The following C3orf49 variants were observed in gnomAD, a reference collection of about 807,000 sequenced individuals.
C3orf49 encodes the protein putative uncharacterized protein C3orf49.
Under a neutral mutation model 13.3 loss-of-function variants are expected in C3orf49, and 27 were observed. That is an observed-to-expected ratio of 2.02 (90% confidence interval 1.49 to 2.79). The LOEUF is 2.79. Ranked by LOEUF, C3orf49 falls within the 30% of genes most tolerant of loss-of-function variation. The pLI is 0.00. For synonymous variants in C3orf49, 87 were observed against 47.6 expected (o/e 1.83, Z -3.40); for missense variants, 242 against 134.2 (o/e 1.80, Z -3.97).
At chr3:63,807,416 CCAAGTGGTTTTATGTTATA>C in the C3orf49 span, among the ~76,000 whole-genome samples, 1 of 152,066 alleles carries the variant, frequency 6.6e-6, no homozygotes, top group Non-Finnish European at 1.5e-5. Context: ...CACAGAAACA[CCAAGTGGTTTTATGTTATA>C]CAGCTAATCA....
the C3orf49 span, among the ~76,000 whole-genome samples, chr3:63,810,534 C>T: frequency 9.2e-5 from 14 of 152,262 alleles, no homozygotes; most frequent in African/African-American, 2.6e-4. Context: ...CTTATTATTT[C>T]GTGACACGGA....
At chr3:63,823,645 C>T in intron 2 of C3orf49, 76 bp downstream of exon 2, 1 of 631,174 alleles carries the variant, frequency 1.6e-6, no homozygotes, top group Non-Finnish European at 2.8e-6. Flanking sequence ...TATCTTGCTA[C>T]ACCAGTATGG....
the C3orf49 span, among the ~76,000 whole-genome samples, chr3:63,797,758 G>A: frequency 6.6e-6 from 1 of 152,096 alleles, no homozygotes; most frequent in Non-Finnish European, 1.5e-5. Flanking sequence ...GCCTTTCTTT[G>A]TTGTGAAGAT....
chr3:63,817,861 A>T (rs188951443), upstream of C3orf49, among the ~76,000 whole-genome samples: 4 of 152,320 alleles, frequency 2.6e-5, no homozygotes, highest in East Asian at 7.7e-4. Context: ...CTAGCATAAA[A>T]TTCATCTCAT....
the C3orf49 span, among the ~76,000 whole-genome samples, chr3:63,794,021 G>GA: frequency 2.5e-4 from 38 of 152,218 alleles, no homozygotes; most frequent in African/African-American, 9.2e-4. Context: ...CAGTGGTGGT[G>GA]ACATGCACCT....
the C3orf49 span, among the ~76,000 whole-genome samples, chr3:63,814,165 T>C: frequency 2.0e-5 from 3 of 152,154 alleles, no homozygotes; most frequent in Non-Finnish European, 4.4e-5. Flanking sequence ...GAAAATCACC[T>C]TTAGGAGCAC....
chr3:63,810,668 A>T, the C3orf49 span, among the ~76,000 whole-genome samples: 1 of 152,198 alleles, frequency 6.6e-6, no homozygotes, highest in Admixed American at 6.5e-5. Flanking sequence ...TTGCCATTGC[A>T]TTAAAGAGTG....
At chr3:63,836,216 T>C in intron 5 of C3orf49, 1 of 1,288,726 alleles carries the variant, frequency 7.8e-7, no homozygotes, top group Non-Finnish European at 1.1e-6. Flanking sequence ...ACATATTTAT[T>C]TCTGCAAAAA....
At chr3:63,833,287 T>C (rs1336405045) in intron 5 of C3orf49, among the ~76,000 whole-genome samples, 2 of 151,948 alleles carry the variant, frequency 1.3e-5, no homozygotes, top group Non-Finnish European at 2.9e-5. Context: ...TTAGTAGAGA[T>C]GGGGTTTCTC....
At position 63,831,830 on chromosome 3, in the gene C3orf49, T is replaced by C. The variant is rs1369373593; in HGVS notation, c.835T>C (p.Tyr279His). The change falls in exon 5 of 7, where the codon TAT becomes CAT. Residue 279 changes from tyrosine to histidine, a missense_variant. By Grantham distance (83) the Tyr-to-His change is moderately conservative. Transcript: ENST00000295896. Reference protein sequence around the residue: ...QRISKRTMRKYKLKNMTTKGP... With the variant: ...QRISKRTMRKHKLKNMTTKGP... ...GATATCCAAGAGAACCATGAGGAAG[T>C]ATAAATTAAAAAATGTGTGTTTCCC... 2 of 695,758 alleles carry C rather than the reference T, an allele frequency of 2.9e-6. No homozygotes were observed. The highest frequency in any genetic ancestry group is 5.2e-6 in the Non-Finnish European group (2 of 383,214). The allele number at this position is 695,758 out of a possible 1,614,324, so 43.1% of individuals were successfully genotyped here.
chr3:63,785,065 C>CTTTTTTTTTTTTTTTTTTTTTTTTT, the C3orf49 span, among the ~76,000 whole-genome samples: 1 of 64,944 alleles, frequency 1.5e-5, no homozygotes, highest in African/African-American at 6.8e-5. Flanking sequence ...TCTTCTTCTT[C>CTTTTTTTTTTTTTTTTTTTTTTTTT]TTTTTTTTTT....
chr3:63,838,224 A>AT, intron 5 of C3orf49: 3 of 906,512 alleles, frequency 3.3e-6, no homozygotes, highest in East Asian at 5.5e-5. Context: ...TAGAATACAC[A>AT]TTTTTTATAG....
intron 1 of C3orf49, among the ~76,000 whole-genome samples, chr3:63,819,809 C>G (rs1559597740): frequency 6.6e-6 from 1 of 152,116 alleles, no homozygotes. Flanking sequence ...TTCCTTTCCA[C>G]TCGAAATTAA....
At chr3:63,829,149 G>A (rs901200406) in intron 3 of C3orf49, among the ~76,000 whole-genome samples, 1 of 152,148 alleles carries the variant, frequency 6.6e-6, no homozygotes, top group Admixed American at 6.5e-5. Context: ...TAGTTTTGAA[G>A]TTTTGCCTTT....
chr3:63,841,454 T>G (rs998589205), intron 5 of C3orf49, among the ~76,000 whole-genome samples: 4 of 152,252 alleles, frequency 2.6e-5, no homozygotes, highest in Non-Finnish European at 5.9e-5. Context: ...AGAGCCTCCA[T>G]GCTGAATCAA....
chr3:63,816,873 C>T (rs1366686123), upstream of C3orf49, among the ~76,000 whole-genome samples: 5 of 147,666 alleles, frequency 3.4e-5, no homozygotes, highest in Middle Eastern at 3.3e-3. Context: ...CCCGTGTTCA[C>T]GCCATTCTCC....
chr3:63,827,857 T>C lies in C3orf49; in HGVS notation c.570+132T>C, dbSNP rs1701484839. 8.8e-6 allele frequency: 5 copies of C among 568,380 alleles called. No homozygotes were observed. The African/African-American group carries it at 9.3e-5, about 11-fold the overall frequency. The allele number at this position is 568,380 out of a possible 1,614,324, so 35.2% of individuals were successfully genotyped here. ...CTTTAAATCTGCTGCTTCTGTCTCC[T>C]CTCCAAGAATTTAGGGTACTCTCTG... On this transcript the variant is annotated intron_variant, in intron 3 of 6. Coordinates refer to ENST00000295896, the MANE Select transcript of C3orf49 (RefSeq NM_001355236.2).
chr3:63,835,818 A>G (rs558538379), intron 5 of C3orf49, among the ~76,000 whole-genome samples: 7 of 152,104 alleles, frequency 4.6e-5, no homozygotes, highest in Non-Finnish European at 8.8e-5. Flanking sequence ...CTACTATATC[A>G]TTCTTATTCT....
the C3orf49 span, among the ~76,000 whole-genome samples, chr3:63,798,885 T>C: frequency 2.0e-5 from 3 of 152,108 alleles, no homozygotes; most frequent in Admixed American, 6.5e-5. Flanking sequence ...ACCAGAAACA[T>C]TTAATCTCTA....
Sources: gnomAD v4.1 joint callset for allele counts (sites outside exome capture counted in the v4.1 genomes callset) on GRCh38, gnomAD v4.1.1 for gene constraint, MANE v1.5 for transcripts, NCBI Gene and HGNC (gene_info 2026-07-23, HGNC 2026-07-21) for gene names.